The following EPDR1 variants were observed in gnomAD, a reference collection of about 807,000 sequenced individuals.
EPDR1 encodes ependymin related 1, also known as mammalian ependymin-related protein 1.
A neutral mutation model predicts 23.7 loss-of-function variants in EPDR1; 27 were observed. The ratio of observed to expected loss-of-function variants is 1.14; its 90% CI spans 0.84 to 1.57. The LOEUF (loss-of-function observed/expected upper bound fraction) is 1.57, where lower values mean the gene tolerates loss of function less well. Among genes scored for constraint, EPDR1 ranks in the 40% most tolerant of loss-of-function variants. The pLI is 0.00. For synonymous variants in EPDR1, 137 were observed against 118.2 expected (o/e 1.16, Z -1.03); for missense variants, 349 against 290.4 (o/e 1.20, Z -1.47).
rs1177822218 is a variant in EPDR1, at chr7:37,947,250, G to A, written c.270-1590G>A. 2.0e-5 allele frequency among the ~76,000 whole-genome samples: 3 copies of A among 152,150 alleles called. No homozygotes were observed. The South Asian group carries it at 6.2e-4, about 32-fold the overall frequency. On this transcript the variant is annotated intron_variant, in intron 1 of 2. Coordinates refer to ENST00000199448, the MANE Select transcript of EPDR1 (RefSeq NM_017549.5). The stretch of plus-strand genomic sequence containing the variant: ...CATAAATGCTTACCATTGTGTTACA[G>A]TTGCCTCCAGTATTTAGTGCAGTCA...
chr7:37,927,721 T>C (rs1480838240), intron 1 of EPDR1, among the ~76,000 whole-genome samples: 1 of 152,240 alleles, frequency 6.6e-6, no homozygotes, highest in Non-Finnish European at 1.5e-5. Context: ...TATTTGATCA[T>C]GAATCTTGTC....
In EPDR1 at chr7:37,921,425, C is replaced by T. The variant is rs898525586; in HGVS notation, c.269+217C>T. 4.3e-6 allele frequency: 6 copies of T among 1,387,760 alleles called. No individual in the cohort carries two copies. In the African/African-American group the frequency reaches 7.6e-5, roughly 18 times the overall value. 86.0% of individuals were successfully genotyped at this position (1,387,760 alleles called of 1,614,324 possible). On this transcript the variant is annotated intron_variant, in intron 1 of 2. Transcript: ENST00000199448. Reference sequence around the variant, plus strand: ...GAGGGCGGCCTGCTGGCGGGGGACTCAGTAACACCCAGCGAGGCGGTGGCA... The same window carrying T: ...GAGGGCGGCCTGCTGGCGGGGGACTTAGTAACACCCAGCGAGGCGGTGGCA...
chr7:37,924,395 G>C lies in EPDR1; in HGVS notation c.269+3187G>C, dbSNP rs145409527. Among the ~76,000 whole-genome samples the C allele has an allele frequency of 4.7e-3, 716 of 152,328 alleles. 12 individuals are homozygous for C. Among genetic ancestry groups the C allele is most frequent in the Admixed American group, 0.037 (562 of 15,304 alleles). On this transcript the variant is annotated intron_variant, in intron 1 of 2. Transcript: ENST00000199448. Reference sequence around the variant, plus strand: ...AGAGATGACTTGGTGGTGGTTCTGTGCTACCCCAACTGTGCTGTTCCTGAC... The same window carrying C: ...AGAGATGACTTGGTGGTGGTTCTGTCCTACCCCAACTGTGCTGTTCCTGAC...
chr7:37,934,274 C>G (rs1405751394), intron 1 of EPDR1, among the ~76,000 whole-genome samples: 1 of 152,220 alleles, frequency 6.6e-6, no homozygotes, highest in Non-Finnish European at 1.5e-5. Flanking sequence ...CCACGCCCGA[C>G]CTACTCTGCC....
intron 1 of EPDR1, among the ~76,000 whole-genome samples, chr7:37,930,460 T>C (rs1035659639): frequency 6.6e-6 from 1 of 152,242 alleles, no homozygotes; most frequent in African/African-American, 2.4e-5. Flanking sequence ...CCAGACTTCA[T>C]ATCCATTGGA....
chr7:37,934,320 A>G (rs1271468051), intron 1 of EPDR1, among the ~76,000 whole-genome samples: 2 of 152,210 alleles, frequency 1.3e-5, no homozygotes, highest in African/African-American at 4.8e-5. Flanking sequence ...CCAAGATTGC[A>G]TGTTGACTTG....
At chr7:37,921,477 G>T in intron 1 of EPDR1, 1 of 1,363,262 alleles carries the variant, frequency 7.3e-7, no homozygotes, top group African/African-American at 1.5e-5. Context: ...ATCCAGGGCG[G>T]GATCAAGCTG....
chr7:37,947,136 G>C (rs111407607), intron 1 of EPDR1, among the ~76,000 whole-genome samples: 10 of 152,226 alleles, frequency 6.6e-5, no homozygotes, highest in East Asian at 3.9e-4. Context: ...GAGTCCTGCA[G>C]GCTCCATTCA....
chr7:37,941,087 G>A (rs893469999), intron 1 of EPDR1, among the ~76,000 whole-genome samples: 1 of 152,032 alleles, frequency 6.6e-6, no homozygotes, highest in Non-Finnish European at 1.5e-5. Context: ...GGCCAAACTT[G>A]GGTAAATTTT....
intron 1 of EPDR1, among the ~76,000 whole-genome samples, chr7:37,931,091 T>G (rs1785928379): frequency 6.6e-6 from 1 of 152,176 alleles, no homozygotes; most frequent in South Asian, 2.1e-4. Flanking sequence ...GGTTGCATAC[T>G]TTCAGAGATT....
rs1370462848 is a variant in EPDR1, at chr7:37,951,713, G to C, written c.*1317G>C. 6.6e-6 allele frequency: 1 copy of C among 152,152 alleles called. No homozygotes were observed. Among genetic ancestry groups the C allele is most frequent in the Non-Finnish European group, 1.5e-5 (1 of 68,012 alleles). The allele number at this position is 152,152 out of a possible 1,614,324, so 9.4% of individuals were successfully genotyped here. A position where few individuals can be genotyped will look rare whatever the true frequency, so the allele number is the denominator to read the frequency against. On this transcript the variant is annotated 3_prime_UTR_variant, in exon 3 of 3. Coordinates refer to ENST00000199448, the MANE Select transcript of EPDR1 (RefSeq NM_017549.5). ...CTATTCTAGATGCTTCTACTGTTATGTTTTATCTGCCCATTTATCTTTCTT... is the reference window on the plus strand; with the variant it reads ...CTATTCTAGATGCTTCTACTGTTATCTTTTATCTGCCCATTTATCTTTCTT...
At chr7:37,929,473 AG>A (rs1562858011) in intron 1 of EPDR1, among the ~76,000 whole-genome samples, 1 of 152,198 alleles carries the variant, frequency 6.6e-6, no homozygotes, top group African/African-American at 2.4e-5. Flanking sequence ...AACTGCTAAG[AG>A]CAGGGCCTGA....
intron 1 of EPDR1, among the ~76,000 whole-genome samples, chr7:37,932,875 T>C (rs886107996): frequency 1.3e-5 from 2 of 152,232 alleles, no homozygotes; most frequent in African/African-American, 4.8e-5. Context: ...CATCCAGATA[T>C]ATTTTGGGAA....
chr7:37,926,669 A>G, intron 1 of EPDR1: 1 of 453,960 alleles, frequency 2.2e-6, no homozygotes, highest in Non-Finnish European at 4.4e-6. Context: ...AATTAGATTC[A>G]AGTTACTTAC....
At chr7:37,929,680 T>C (rs144008895) in intron 1 of EPDR1, among the ~76,000 whole-genome samples, 12 of 152,360 alleles carry the variant, frequency 7.9e-5, no homozygotes, top group African/African-American at 2.4e-4. Context: ...ACGTTATACC[T>C]CTTTTCTGTT....
intron 1 of EPDR1, among the ~76,000 whole-genome samples, chr7:37,936,046 G>T (rs1250706832): frequency 1.9e-5 from 1 of 52,868 alleles, no homozygotes. Context: ...ATATACACAA[G>T]GGAAATGTGA....
In EPDR1 at chr7:37,951,658, C is replaced by T. The variant is rs879849351; in HGVS notation, c.*1262C>T. On this transcript the variant is annotated 3_prime_UTR_variant, in exon 3 of 3. Transcript: ENST00000199448. ...TGAATGTGGTTGAGTTTGTCCATTGCTAGGGAGAGACTTCCAGTAATAAAA... is the reference window on the plus strand; with the variant it reads ...TGAATGTGGTTGAGTTTGTCCATTGTTAGGGAGAGACTTCCAGTAATAAAA... 1.3e-5 allele frequency: 2 copies of T among 152,214 alleles called. No homozygotes were observed. The highest frequency in any genetic ancestry group is 2.9e-5 in the Non-Finnish European group (2 of 68,036). 9.4% of individuals were successfully genotyped at this position (152,214 alleles called of 1,614,324 possible).
Position 37,920,787 on chromosome 7 carries a change from C to G in EPDR1, c.-153C>G. ...GACTCGCGCGTCCGGATCTCAAAAGCGGCAGAGGCCACCGAAGGGACAGGA... is the reference window on the plus strand; with the variant it reads ...GACTCGCGCGTCCGGATCTCAAAAGGGGCAGAGGCCACCGAAGGGACAGGA... On this transcript the variant is annotated 5_prime_UTR_variant, in exon 1 of 3. Transcript: ENST00000199448. 1 of 1,609,934 alleles carries G rather than the reference C, an allele frequency of 6.2e-7. No homozygotes were observed. The highest frequency in any genetic ancestry group is 8.5e-7 in the Non-Finnish European group (1 of 1,177,926).
intron 1 of EPDR1, among the ~76,000 whole-genome samples, chr7:37,942,284 C>T (rs1786184189): frequency 6.6e-6 from 1 of 152,096 alleles, no homozygotes; most frequent in South Asian, 2.1e-4. Flanking sequence ...GTTATTCAGC[C>T]TTAAAAAGGA....
Sources: allele counts gnomAD v4.1 joint callset (sites outside exome capture counted in the v4.1 genomes callset), GRCh38; gene constraint gnomAD v4.1.1; transcripts MANE v1.5; gene names NCBI Gene and HGNC (gene_info 2026-07-23, HGNC 2026-07-21).